Variants in CRPPA observed in about 807,000 individuals in gnomAD.
CRPPA encodes the protein CDP-L-ribitol pyrophosphorylase A.
CRPPA carries 43 observed loss-of-function variants against 52.0 expected under a neutral mutation model. The ratio of observed to expected loss-of-function variants is 0.83; its 90% confidence interval spans 0.65 to 1.07. The LOEUF (loss-of-function observed/expected upper bound fraction) is 1.07, where lower values mean the gene tolerates loss of function less well. CRPPA is among the 50% of genes least tolerant of loss of function. The probability of loss-of-function intolerance (pLI) is 0.00; values close to 1 mark genes in which losing one functional copy is unlikely to be tolerated. For missense variants in CRPPA, 629 were observed against 551.7 expected, an observed-to-expected ratio of 1.14 and a Z score of -1.40; for synonymous variants, 250 against 203.5, an observed-to-expected ratio of 1.23 and a Z score of -1.94.
intron 2 of CRPPA, among the ~76,000 whole-genome samples, chr7:16,398,535 G>C (rs974917416): frequency 2.6e-5 from 4 of 152,166 alleles, no homozygotes; most frequent in Non-Finnish European, 5.9e-5. Flanking sequence ...TGTGACAAAT[G>C]ATCGACATAA....
intron 3 of CRPPA, among the ~76,000 whole-genome samples, chr7:16,310,457 T>C (rs1166187899): frequency 3.9e-5 from 6 of 152,040 alleles, no homozygotes; most frequent in Admixed American, 2.0e-4. Flanking sequence ...CAAGGAAAGA[T>C]TGTAATGTGA....
chr7:16,265,232 C>A (rs1783923070), intron 6 of CRPPA, among the ~76,000 whole-genome samples: 1 of 152,168 alleles, frequency 6.6e-6, no homozygotes, highest in African/African-American at 2.4e-5. Context: ...CACCATAGGA[C>A]TTAAACCCTA....
chr7:16,393,963 C>T (rs1024159608), intron 2 of CRPPA, among the ~76,000 whole-genome samples: 1 of 151,774 alleles, frequency 6.6e-6, no homozygotes, highest in African/African-American at 2.4e-5. Flanking sequence ...TAACAAAATG[C>T]TAAATTTAAA....
chr7:16,250,013 T>A (rs972555904), intron 8 of CRPPA, among the ~76,000 whole-genome samples: 2 of 152,086 alleles, frequency 1.3e-5, no homozygotes, highest in African/African-American at 4.8e-5. Context: ...CTAACTAGAA[T>A]AACCAGTGTA....
At chr7:16,281,665 T>C (rs1254589740) in intron 5 of CRPPA, among the ~76,000 whole-genome samples, 2 of 152,186 alleles carry the variant, frequency 1.3e-5, no homozygotes, top group South Asian at 2.1e-4. Context: ...GTGTGCAAGA[T>C]TGGTGTCATG....
At chr7:16,254,845 G>GAAAGAAAT (rs1278951313) in intron 8 of CRPPA, among the ~76,000 whole-genome samples, 1 of 142,560 alleles carries the variant, frequency 7.0e-6, no homozygotes, top group Non-Finnish European at 1.5e-5. Flanking sequence ...AAGAAAGAAA[G>GAAAGAAAT]AGAAAGAAGA....
Position 16,376,072 on chromosome 7 carries a change from C to T in CRPPA, c.684+20G>A. The T allele has an allele frequency of 6.4e-7, 1 of 1,551,096 alleles. No homozygotes were observed. Among genetic ancestry groups the T allele is most frequent in the Non-Finnish European group, 8.7e-7 (1 of 1,148,706 alleles). ...GAACCTGACATAACAGCAGCTTATT[C>T]AAAAAGCCCAAATTCTTACCTGCTG... On this transcript the variant is annotated intron_variant, in intron 3 of 9. Coordinates refer to ENST00000407010, the MANE Select transcript of CRPPA (RefSeq NM_001101426.4).
At chr7:16,352,879 G>GCACACACA (rs56733439) in intron 3 of CRPPA, among the ~76,000 whole-genome samples, 9 of 142,426 alleles carry the variant, frequency 6.3e-5, no homozygotes, top group South Asian at 2.3e-4. Context: ...AAGTAACATG[G>GCACACACA]CACACACACA....
intron 9 of CRPPA, 86 bp from the exon 10 acceptor site, chr7:16,091,885 G>A: frequency 1.4e-6 from 1 of 723,616 alleles, no homozygotes. Flanking sequence ...TTCAAGATCT[G>A]CTGCGGTCTG....
chr7:16,185,178 T>C (rs1056791386), intron 9 of CRPPA, among the ~76,000 whole-genome samples: 1 of 152,180 alleles, frequency 6.6e-6, no homozygotes, highest in African/African-American at 2.4e-5. Context: ...GGACTCACAA[T>C]CATGGCAGAA....
At chr7:16,412,237 T>C (rs749620402) in intron 1 of CRPPA, among the ~76,000 whole-genome samples, 20 of 152,208 alleles carry the variant, frequency 1.3e-4, no homozygotes, top group Non-Finnish European at 2.6e-4. Context: ...TCGGGTCCCA[T>C]TAGAGTGTCA....
chr7:16,162,949 TTTTTTC>T (rs796391999), intron 9 of CRPPA, among the ~76,000 whole-genome samples: 4 of 151,300 alleles, frequency 2.6e-5, no homozygotes, highest in Non-Finnish European at 4.4e-5. Context: ...CTTTGTCTTT[TTTTTTC>T]TTTTTCTTTT....
intron 9 of CRPPA, among the ~76,000 whole-genome samples, chr7:16,101,240 C>T (rs575059499): frequency 1.3e-5 from 2 of 152,276 alleles, no homozygotes; most frequent in South Asian, 4.2e-4. Context: ...ACCAGCTCCT[C>T]TTTGTACCTC....
At chr7:16,382,830 C>T (rs374815878) in intron 2 of CRPPA, among the ~76,000 whole-genome samples, 8 of 152,142 alleles carry the variant, frequency 5.3e-5, no homozygotes, top group Non-Finnish European at 1.0e-4. Context: ...CGAGCCTTGG[C>T]TTTCAGCTCC....
intron 1 of CRPPA, among the ~76,000 whole-genome samples, chr7:16,409,348 G>C (rs1286390161): frequency 6.6e-6 from 1 of 152,188 alleles, no homozygotes; most frequent in African/African-American, 2.4e-5. Context: ...GTGGTTTTAA[G>C]CCATTCAGTT....
At chr7:16,413,783 CAAT>C (rs1484329042) in intron 1 of CRPPA, among the ~76,000 whole-genome samples, 2 of 152,154 alleles carry the variant, frequency 1.3e-5, no homozygotes, top group African/African-American at 4.8e-5. Context: ...GAGTCTTAAA[CAAT>C]AATGAAATAT....
intron 9 of CRPPA, among the ~76,000 whole-genome samples, chr7:16,096,496 T>A (rs948910982): frequency 1.3e-5 from 2 of 152,200 alleles, no homozygotes; most frequent in South Asian, 4.1e-4. Flanking sequence ...AATTAAGAAT[T>A]AATTGGACTA....
intron 8 of CRPPA, among the ~76,000 whole-genome samples, chr7:16,226,032 A>G (rs547312880): frequency 4.6e-5 from 7 of 152,154 alleles, no homozygotes; most frequent in Admixed American, 3.3e-4. Flanking sequence ...AAGTCATATT[A>G]GAAAAGCCTC....
intron 8 of CRPPA, among the ~76,000 whole-genome samples, chr7:16,230,645 G>A (rs185703282): frequency 9.7e-4 from 147 of 151,226 alleles, no homozygotes; most frequent in Middle Eastern, 6.8e-3. Context: ...ATTTCTTTAG[G>A]GTCAGTCACT....
Sources: allele counts gnomAD v4.1 joint callset (sites outside exome capture counted in the v4.1 genomes callset), GRCh38; gene constraint gnomAD v4.1.1; transcripts MANE v1.5; gene names NCBI Gene and HGNC (gene_info 2026-07-23, HGNC 2026-07-21).